The following VPS13B variants were observed in gnomAD, a reference collection of about 807,000 sequenced individuals.
VPS13B encodes the protein vacuolar protein sorting 13 homolog B.
VPS13B carries 285 observed loss-of-function variants against 426.4 expected under a neutral mutation model. The observed-to-expected ratio is 0.67, with a 90% confidence interval of 0.61 to 0.74. The LOEUF (loss-of-function observed/expected upper bound fraction) is 0.74, where lower values mean the gene tolerates loss of function less well. Ranked by LOEUF, VPS13B falls within the 30% of genes least tolerant of loss-of-function variation. VPS13B has a pLI of 0.00. For missense variants in VPS13B, 4,537 were observed against 4,782.6 expected, an observed-to-expected ratio of 0.95 and a Z score of 1.51; for synonymous variants, 1,676 against 1,676.4, an observed-to-expected ratio of 1.00 and a Z score of 0.01.
intron 16 of VPS13B, among the ~76,000 whole-genome samples, chr8:99,178,044 G>A (rs547665531): frequency 4.3e-4 from 65 of 151,984 alleles, no homozygotes; most frequent in African/African-American, 1.4e-3. Flanking sequence ...TTTTTAAAGC[G>A]AAATGGCTTG....
At chr8:99,679,861 A>G (rs928441024) in intron 35 of VPS13B, among the ~76,000 whole-genome samples, 15 of 152,152 alleles carry the variant, frequency 9.9e-5, no homozygotes, top group East Asian at 5.8e-4. Flanking sequence ...CTGAATTTCA[A>G]TTGCTGAATA....
intron 17 of VPS13B, among the ~76,000 whole-genome samples, chr8:99,217,385 G>T (rs867758633): frequency 1.3e-5 from 2 of 152,068 alleles, no homozygotes; most frequent in Non-Finnish European, 2.9e-5. Flanking sequence ...TCTTAATTCC[G>T]CTACCTGATA....
At chr8:99,642,889 T>G (rs992801114) in intron 34 of VPS13B, among the ~76,000 whole-genome samples, 1 of 152,170 alleles carries the variant, frequency 6.6e-6, no homozygotes, top group African/African-American at 2.4e-5. Flanking sequence ...AAGATGAAGT[T>G]TGTTTTTGGT....
chr8:99,229,967 A>T (rs888526922), intron 17 of VPS13B, among the ~76,000 whole-genome samples: 3 of 152,224 alleles, frequency 2.0e-5, no homozygotes, highest in Non-Finnish European at 4.4e-5. Flanking sequence ...TGTCACTTGG[A>T]TAATTCTTTC....
intron 30 of VPS13B, among the ~76,000 whole-genome samples, chr8:99,532,706 A>C (rs1241734358): frequency 2.0e-5 from 3 of 151,706 alleles, no homozygotes; most frequent in African/African-American, 7.3e-5. Flanking sequence ...AACATAGTTG[A>C]TGAAAAATTA....
In VPS13B at chr8:99,648,277, G is replaced by A. The variant is rs572675484; in HGVS notation, c.5908+5779G>A. On this transcript the variant is annotated intron_variant, in intron 34 of 61. Coordinates refer to ENST00000357162, the MANE Select transcript of VPS13B (RefSeq NM_152564.5). Reference sequence around the variant, plus strand: ...TATTAAGATTAATTTTGAAGGTTTAGCAGAATAAAGATCTTCATGCCATGG... The same window carrying A: ...TATTAAGATTAATTTTGAAGGTTTAACAGAATAAAGATCTTCATGCCATGG... Among the ~76,000 whole-genome samples, 98 of 152,268 alleles carry A rather than the reference G, an allele frequency of 6.4e-4. 1 individual carries two copies. The highest frequency in any genetic ancestry group is 5.8e-3 in the South Asian group (28 of 4,832).
chr8:99,716,282 T>C (rs752132233), intron 36 of VPS13B, among the ~76,000 whole-genome samples: 6 of 152,154 alleles, frequency 3.9e-5, no homozygotes, highest in Non-Finnish European at 7.4e-5. Context: ...TTAAAACATG[T>C]GTATACTGTG....
chr8:99,788,308 G>T lies in VPS13B; in HGVS notation c.7941+3832G>T, dbSNP rs1478184327. Among the ~76,000 whole-genome samples the T allele has an allele frequency of 6.0e-5, 9 of 151,176 alleles. No individual in the cohort carries two copies. The East Asian group carries it at 1.7e-3, about 29-fold the overall frequency. ...CACATACCTGTAGTTCTAGCTACTT[G>T]GGAGGCTGAGGCAGGAGGATTACTT... On this transcript the variant is annotated intron_variant, in intron 43 of 61. Coordinates refer to ENST00000357162, the MANE Select transcript of VPS13B (RefSeq NM_152564.5).
rs1479823033 is a variant in VPS13B at position 99,573,889 on chromosome 8, G to A, written c.4950-1769G>A. ...GCATTGAATCTATAAATTACCTTGG[G>A]CAGTATGGCCATTTTCATGATATTG... On this transcript the variant is annotated intron_variant, in intron 31 of 61. Coordinates refer to ENST00000357162, the MANE Select transcript of VPS13B (RefSeq NM_152564.5). Among the ~76,000 whole-genome samples the A allele has an allele frequency of 6.6e-5, 10 of 152,226 alleles. No homozygotes were observed. The South Asian group carries it at 1.2e-3, about 19-fold the overall frequency.
intron 33 of VPS13B, among the ~76,000 whole-genome samples, chr8:99,590,318 T>G (rs1312600381): frequency 3.3e-5 from 5 of 152,212 alleles, no homozygotes; most frequent in Non-Finnish European, 7.3e-5. Context: ...TGAAGGGTTT[T>G]TTGTGTCTCT....
chr8:99,420,689 G>C (rs976284365), intron 21 of VPS13B, among the ~76,000 whole-genome samples: 1 of 152,108 alleles, frequency 6.6e-6, no homozygotes, highest in African/African-American at 2.4e-5. Flanking sequence ...ACTATGCTCA[G>C]CTCCTCCTTT....
At chr8:99,490,426 A>C (rs1820543850) in intron 25 of VPS13B, among the ~76,000 whole-genome samples, 1 of 152,202 alleles carries the variant, frequency 6.6e-6, no homozygotes, top group African/African-American at 2.4e-5. Context: ...AAAATGAGTT[A>C]GGGAGGATTC....
intron 30 of VPS13B, among the ~76,000 whole-genome samples, chr8:99,528,190 A>G (rs940558068): frequency 1.7e-4 from 26 of 152,076 alleles, no homozygotes; most frequent in Non-Finnish European, 3.1e-4. Flanking sequence ...TCTGAGTACT[A>G]TGTGTAAGCA....
intron 33 of VPS13B, among the ~76,000 whole-genome samples, chr8:99,636,794 T>C (rs1384174299): frequency 3.3e-5 from 5 of 152,060 alleles, no homozygotes; most frequent in African/African-American, 1.2e-4. Context: ...GTAATATGCA[T>C]TTAATTCTCT....
rs1053833867 is a variant in VPS13B, at chr8:99,143,447, A to AC, written c.1843+282_1843+283insC. ...TTTCTAGTGGATACTTGTGAATATG[A>AC]TTTTTTTTTTTCACATTAATGGATT... On this transcript the variant is annotated intron_variant, in intron 13 of 61. Coordinates refer to ENST00000357162, the MANE Select transcript of VPS13B (RefSeq NM_152564.5). Among the ~76,000 whole-genome samples the AC allele has an allele frequency of 2.0e-4, 30 of 149,176 alleles. No homozygotes were observed. In the East Asian group the frequency reaches 3.1e-3, roughly 16 times the overall value.
intron 17 of VPS13B, among the ~76,000 whole-genome samples, chr8:99,257,904 C>T (rs1319551571): frequency 6.6e-6 from 1 of 151,368 alleles, no homozygotes; most frequent in Non-Finnish European, 1.5e-5. Flanking sequence ...ACATAGTAGT[C>T]CTTCTTTAGA....
intron 15 of VPS13B, among the ~76,000 whole-genome samples, chr8:99,158,060 A>G (rs540273312): frequency 2.0e-5 from 3 of 152,348 alleles, no homozygotes; most frequent in African/African-American, 7.2e-5. Context: ...TAAAAGTGCA[A>G]GGTGAAACAG....
chr8:99,196,466 G>A (rs1813934087), intron 17 of VPS13B, among the ~76,000 whole-genome samples: 2 of 148,136 alleles, frequency 1.4e-5, no homozygotes, highest in Non-Finnish European at 3.0e-5. Context: ...AGTCTTTAGG[G>A]GTTTTTTTTT....
At chr8:99,776,313 T>C (rs1373036020) in intron 40 of VPS13B, among the ~76,000 whole-genome samples, 1 of 152,208 alleles carries the variant, frequency 6.6e-6, no homozygotes, top group Admixed American at 6.5e-5. Context: ...AGGAATCCTT[T>C]AAAAGTTTTC....
Sources: allele counts gnomAD v4.1 joint callset (sites outside exome capture counted in the v4.1 genomes callset), GRCh38; gene constraint gnomAD v4.1.1; transcripts MANE v1.5; gene names NCBI Gene and HGNC (gene_info 2026-07-23, HGNC 2026-07-21).